Variants in XIRP2 observed in about 807,000 individuals in gnomAD.
XIRP2 encodes the protein xin actin binding repeat containing 2, also known as xin actin-binding repeat-containing protein 2.
A neutral mutation model predicts 277.0 loss-of-function variants in XIRP2; 236 were observed. That is an observed-to-expected ratio of 0.85 (90% CI 0.77 to 0.95). The LOEUF is 0.95. Among genes scored for constraint, XIRP2 ranks in the 40% least tolerant of loss-of-function variants. The pLI is 0.00. For synonymous variants in XIRP2, 1,490 were observed against 1,416.5 expected (o/e 1.05, Z -1.17); for missense variants, 4,640 against 4,157.5 (o/e 1.12, Z -3.19).
intron 2 of XIRP2, among the ~76,000 whole-genome samples, chr2:167,009,624 C>T (rs2105467648): frequency 6.6e-6 from 1 of 151,990 alleles, no homozygotes; most frequent in South Asian, 2.1e-4. Context: ...GTTCTAGATC[C>T]CTGAGGAATC....
chr2:167,172,173 G>A (rs558541154), intron 3 of XIRP2, among the ~76,000 whole-genome samples: 19 of 152,062 alleles, frequency 1.2e-4, no homozygotes, highest in Non-Finnish European at 2.1e-4. Flanking sequence ...ATCACATGTC[G>A]GCAGGTTCCG....
chr2:167,086,838 A>G (rs1689960923), intron 2 of XIRP2, among the ~76,000 whole-genome samples: 1 of 151,078 alleles, frequency 6.6e-6, no homozygotes, highest in Non-Finnish European at 1.5e-5. Context: ...CTAGTTATAC[A>G]TTCTTCTAAA....
At chr2:166,925,603 A>ATATATATATATATATATACATATAAG (rs1685165433) in intron 2 of XIRP2, among the ~76,000 whole-genome samples, 4 of 92,092 alleles carry the variant, frequency 4.3e-5, no homozygotes, top group African/African-American at 3.2e-4. Flanking sequence ...ATACATATAT[A>ATATATATATATATATATACATATAAG]TATATATATA....
At position 167,242,668 on chromosome 2, in the gene XIRP2, A is replaced by G; in HGVS notation, c.1276A>G (p.Thr426Ala). ...CAGCCAGAGGAAGGAAACATCAACTACAAGATATAGTGATCACAGTGTCAC... is the reference window on the plus strand; with the variant it reads ...CAGCCAGAGGAAGGAAACATCAACTGCAAGATATAGTGATCACAGTGTCAC... ...STSQRKETST[T>A]RYSDHSVTSS... The change falls in exon 9 of 11, where the codon ACA becomes GCA. Residue 426 changes from threonine to alanine, a missense_variant. Coordinates refer to ENST00000409195, the MANE Select transcript of XIRP2 (RefSeq NM_152381.6). The G allele has an allele frequency of 6.2e-7, 1 of 1,614,148 alleles. No homozygotes were observed. The highest frequency in any genetic ancestry group is 1.7e-5 in the Admixed American group (1 of 60,026).
chr2:167,196,160 C>T (rs1050802881), intron 3 of XIRP2, among the ~76,000 whole-genome samples: 12 of 151,952 alleles, frequency 7.9e-5, no homozygotes, highest in African/African-American at 2.9e-4. Context: ...CCTGAAAATC[C>T]CAAATGTTCT....
intron 2 of XIRP2, among the ~76,000 whole-genome samples, chr2:166,916,949 C>T (rs1404864572): frequency 6.6e-6 from 1 of 152,184 alleles, no homozygotes; most frequent in African/African-American, 2.4e-5. Flanking sequence ...ATTTAAGAGG[C>T]AGCACCTAAT....
chr2:167,222,846 T>C (rs1694472451), intron 5 of XIRP2, among the ~76,000 whole-genome samples: 1 of 152,216 alleles, frequency 6.6e-6, no homozygotes, highest in African/African-American at 2.4e-5. Context: ...TGGTTATTTT[T>C]AGGACTTTCT....
In XIRP2 at chr2:167,156,081, C is replaced by T. The variant is rs1355725784; in HGVS notation, c.562+20019C>T. Among the ~76,000 whole-genome samples, 3 of 151,224 alleles carry T rather than the reference C, an allele frequency of 2.0e-5. No homozygotes were observed. The East Asian group carries it at 5.8e-4, about 29-fold the overall frequency. On this transcript the variant is annotated intron_variant, in intron 3 of 10. Coordinates refer to ENST00000409195, the MANE Select transcript of XIRP2 (RefSeq NM_152381.6). The stretch of plus-strand genomic sequence containing the variant: ...CTTCAAGGAGAACTACAAACCACTG[C>T]TCAATGAAATAAAAGAGGATACAAA...
chr2:167,205,691 T>G (rs1323766358), intron 3 of XIRP2, among the ~76,000 whole-genome samples: 5 of 152,192 alleles, frequency 3.3e-5, no homozygotes, highest in Admixed American at 1.3e-4. Context: ...GCCTGATAAT[T>G]TATTGTCCAA....
chr2:167,162,284 C>T (rs893796711), intron 3 of XIRP2, among the ~76,000 whole-genome samples: 2 of 152,184 alleles, frequency 1.3e-5, no homozygotes, highest in African/African-American at 4.8e-5. Context: ...ACAGCAGCAC[C>T]CCACTCTACT....
intron 2 of XIRP2, among the ~76,000 whole-genome samples, chr2:166,979,829 G>A (rs1008881473): frequency 6.6e-6 from 1 of 152,140 alleles, no homozygotes. Flanking sequence ...AAAGCATATT[G>A]GCAAATGGTT....
At position 167,258,612 on chromosome 2, in the gene XIRP2, C is replaced by T. The variant is rs1695738073; in HGVS notation, c.*795C>T. 3.1e-6 allele frequency: 5 copies of T among 1,612,886 alleles called. No individual in the cohort carries two copies. The highest frequency in any genetic ancestry group is 2.2e-5 in the East Asian group (1 of 44,784). On this transcript the variant is annotated 3_prime_UTR_variant, in exon 11 of 11. Transcript: ENST00000409195. ...AATGGTGCAGAAGTTTTACAGGTTA[C>T]TAACACTGATGATGAGATGATGCCA...
intron 2 of XIRP2, among the ~76,000 whole-genome samples, chr2:166,915,557 C>T (rs1358282670): frequency 6.6e-6 from 1 of 152,124 alleles, no homozygotes; most frequent in East Asian, 1.9e-4. Context: ...CTTCCAGTTG[C>T]TGTCCATAGG....
chr2:167,144,466 G>T (rs188473120), intron 3 of XIRP2, among the ~76,000 whole-genome samples: 46 of 151,698 alleles, frequency 3.0e-4, no homozygotes, highest in Admixed American at 6.6e-4. Flanking sequence ...ACAGCCAGTC[G>T]TTCTATTTTT....
chr2:167,022,715 T>C (rs1217903476), intron 2 of XIRP2, among the ~76,000 whole-genome samples: 3 of 152,054 alleles, frequency 2.0e-5, no homozygotes, highest in African/African-American at 7.2e-5. Flanking sequence ...TTTTTTGTCC[T>C]TGCGGTAGTT....
intron 5 of XIRP2, among the ~76,000 whole-genome samples, chr2:167,228,358 C>T (rs1477900889): frequency 2.6e-5 from 4 of 152,132 alleles, no homozygotes; most frequent in African/African-American, 7.2e-5. Flanking sequence ...ACTGCTAATG[C>T]GTAGAGGGAT....
chr2:167,177,290 A>C (rs574060504), intron 3 of XIRP2, among the ~76,000 whole-genome samples: 1 of 152,292 alleles, frequency 6.6e-6, no homozygotes, highest in South Asian at 2.1e-4. Context: ...GGTTTCTCCT[A>C]TAACCTTGGT....
Position 167,257,917 on chromosome 2 carries a change from T to C in XIRP2, c.*100T>C, listed in dbSNP as rs1428337723. 3 of 1,611,492 alleles carry C rather than the reference T, an allele frequency of 1.9e-6. No individual in the cohort carries two copies. The highest frequency in any genetic ancestry group is 2.5e-6 in the Non-Finnish European group (3 of 1,179,026). ...ACTGTAAACCTCACTTTAAACAACT[T>C]TTCAAATCCAAAGGAAATTATGATG... On this transcript the variant is annotated 3_prime_UTR_variant, in exon 11 of 11. Transcript: ENST00000409195.
intron 2 of XIRP2, among the ~76,000 whole-genome samples, chr2:167,082,450 G>A (rs1326344630): frequency 6.6e-6 from 1 of 151,664 alleles, no homozygotes; most frequent in Non-Finnish European, 1.5e-5. Flanking sequence ...GAGTTCTTTG[G>A]GTATATACCC....
Sources: allele counts gnomAD v4.1 joint callset (sites outside exome capture counted in the v4.1 genomes callset), GRCh38; gene constraint gnomAD v4.1.1; transcripts MANE v1.5; gene names NCBI Gene and HGNC (gene_info 2026-07-23, HGNC 2026-07-21).